Variants in SLIT3 observed in about 807,000 individuals in gnomAD.
The protein encoded by SLIT3 is slit guidance ligand 3.
In SLIT3, 68 loss-of-function variants were observed where a neutral mutation model predicts 184.0. The observed-to-expected ratio is 0.37, with a 90% CI of 0.30 to 0.45. The LOEUF is 0.45. SLIT3 is among the 20% of genes least tolerant of loss of function. The pLI is 1.00. For synonymous variants in SLIT3, 831 were observed against 828.6 expected (o/e 1.00, Z -0.05); for missense variants, 1,707 against 2,026.0 (o/e 0.84, Z 3.02).
At chr5:168,966,333 AT>A (rs79367819) in intron 4 of SLIT3, among the ~76,000 whole-genome samples, 4,150 of 143,882 alleles carry the variant, frequency 0.029, 48 homozygotes, top group Middle Eastern at 0.067. Context: ...GGTTCGCTGG[AT>A]TTTTTTTTTT....
intron 8 of SLIT3, among the ~76,000 whole-genome samples, chr5:168,807,864 C>T (rs760753939): frequency 1.1e-4 from 16 of 152,188 alleles, no homozygotes; most frequent in African/African-American, 2.2e-4. Flanking sequence ...CGTTTGGACG[C>T]GGACGCTTCA....
At chr5:169,107,560 C>T (rs915808358) in intron 4 of SLIT3, among the ~76,000 whole-genome samples, 1 of 152,220 alleles carries the variant, frequency 6.6e-6, no homozygotes, top group Non-Finnish European at 1.5e-5. Context: ...GGGTGACAGC[C>T]CCAGGGAGGA....
intron 29 of SLIT3, among the ~76,000 whole-genome samples, chr5:168,691,078 T>A (rs1337245439): frequency 6.6e-6 from 1 of 152,142 alleles, no homozygotes; most frequent in East Asian, 1.9e-4. Context: ...AGAGCCAGAA[T>A]CGTGGGGCCT....
intron 5 of SLIT3, among the ~76,000 whole-genome samples, chr5:168,859,377 A>T (rs886983297): frequency 6.6e-6 from 1 of 152,180 alleles, no homozygotes; most frequent in Non-Finnish European, 1.5e-5. Context: ...TTAGAATTGT[A>T]ATTAAAACCA....
intron 3 of SLIT3, among the ~76,000 whole-genome samples, chr5:169,193,970 ACG>A (rs1763655838): frequency 2.0e-5 from 3 of 152,192 alleles, no homozygotes; most frequent in Non-Finnish European, 4.4e-5. Context: ...ACGGTGGCTT[ACG>A]CCTGTAATCC....
chr5:168,786,125 C>G (rs540858985), intron 11 of SLIT3, 147 bp from the exon 12 acceptor site: 1 of 613,884 alleles, frequency 1.6e-6, no homozygotes. Context: ...TTCTCATCAG[C>G]GAGACAGAGG....
At chr5:168,947,627 G>T (rs1461942568) in intron 4 of SLIT3, among the ~76,000 whole-genome samples, 1 of 152,200 alleles carries the variant, frequency 6.6e-6, no homozygotes, top group East Asian at 1.9e-4. Flanking sequence ...AGTGTGAAAA[G>T]TGGGGGCCTG....
At chr5:169,239,615 C>A (rs1203874681) in intron 3 of SLIT3, among the ~76,000 whole-genome samples, 1 of 151,950 alleles carries the variant, frequency 6.6e-6, no homozygotes, top group Non-Finnish European at 1.5e-5. Flanking sequence ...TTTATAATAT[C>A]CATACTAATA....
At chr5:168,978,836 A>G (rs1413552832) in intron 4 of SLIT3, among the ~76,000 whole-genome samples, 1 of 145,786 alleles carries the variant, frequency 6.9e-6, no homozygotes, top group African/African-American at 2.5e-5. Context: ...CTGGTCCAAC[A>G]TTCTCTCCCT....
chr5:168,893,279 C>A (rs1201041331), intron 4 of SLIT3, among the ~76,000 whole-genome samples: 3 of 152,164 alleles, frequency 2.0e-5, no homozygotes, highest in Non-Finnish European at 4.4e-5. Context: ...TTGTTTGAAG[C>A]TGTGTGTCTG....
At chr5:169,063,912 C>A (rs1048939616) in intron 4 of SLIT3, among the ~76,000 whole-genome samples, 11 of 152,302 alleles carry the variant, frequency 7.2e-5, no homozygotes, top group Admixed American at 2.0e-4. Context: ...TCTGACAACA[C>A]AAATGCCGTA....
intron 16 of SLIT3, 145 bp from the exon 17 acceptor site, chr5:168,754,152 G>T (rs1754813451): frequency 5.0e-6 from 4 of 800,868 alleles, no homozygotes; most frequent in Non-Finnish European, 1.9e-6. Context: ...TCAGTCTGGG[G>T]CTCCCTGAAC....
intron 4 of SLIT3, among the ~76,000 whole-genome samples, chr5:168,918,306 A>C (rs1761511348): frequency 6.6e-6 from 1 of 152,248 alleles, no homozygotes; most frequent in Admixed American, 6.5e-5. Flanking sequence ...GACTCATAGC[A>C]GGAGAAATTT....
intron 4 of SLIT3, among the ~76,000 whole-genome samples, chr5:169,089,849 G>A (rs1759501930): frequency 6.6e-6 from 1 of 152,222 alleles, no homozygotes; most frequent in Non-Finnish European, 1.5e-5. Context: ...GGGTTCCAGA[G>A]GTAGGGGCTG....
intron 4 of SLIT3, among the ~76,000 whole-genome samples, chr5:168,983,231 T>C (rs1755010842): frequency 6.6e-6 from 1 of 152,180 alleles, no homozygotes. Context: ...AAACATCACT[T>C]TCTATACAAT....
intron 1 of SLIT3, among the ~76,000 whole-genome samples, chr5:169,282,847 C>T (rs1242418484): frequency 6.6e-6 from 1 of 152,158 alleles, no homozygotes; most frequent in Non-Finnish European, 1.5e-5. Flanking sequence ...TTCTTGAGGT[C>T]AATTTTCTCA....
intron 9 of SLIT3, among the ~76,000 whole-genome samples, chr5:168,800,592 AAAAGAAAG>A (rs58562472): frequency 6.8e-6 from 1 of 146,122 alleles, no homozygotes; most frequent in South Asian, 2.2e-4. Context: ...TGTCTCAAAA[AAAAGAAAG>A]AAAGAAAGAA....
At chr5:168,935,608 G>A (rs1554162448) in intron 4 of SLIT3, among the ~76,000 whole-genome samples, 1 of 141,042 alleles carries the variant, frequency 7.1e-6, no homozygotes, top group Non-Finnish European at 1.6e-5. Context: ...CCTTTTAAGT[G>A]GAAAACTCTG....
chr5:168,988,900 C>T (rs760555305), intron 4 of SLIT3, among the ~76,000 whole-genome samples: 1 of 152,208 alleles, frequency 6.6e-6, no homozygotes, highest in Non-Finnish European at 1.5e-5. Flanking sequence ...CCATCTCAGC[C>T]AGGCCAGCAT....
Sources: gnomAD v4.1 joint callset for allele counts (sites outside exome capture counted in the v4.1 genomes callset) on GRCh38, gnomAD v4.1.1 for gene constraint, MANE v1.5 for transcripts, NCBI Gene and HGNC (gene_info 2026-07-23, HGNC 2026-07-21) for gene names.